The following SPAG16 variants were observed in gnomAD, a reference collection of about 807,000 sequenced individuals.
SPAG16 encodes sperm associated antigen 16.
SPAG16 carries 86 observed loss-of-function variants against 80.4 expected under a neutral mutation model. The observed-to-expected ratio is 1.07, with a 90% CI of 0.90 to 1.28. The LOEUF (loss-of-function observed/expected upper bound fraction) is 1.28. Among genes scored for constraint, SPAG16 ranks in the 50% most tolerant of loss-of-function variants. The pLI is 0.00. For missense variants in SPAG16, 870 were observed against 765.3 expected (o/e 1.14, Z -1.61); for synonymous variants, 294 against 265.9 (o/e 1.11, Z -1.03).
chr2:213,950,698 CTTTCTTTTT>C (rs1408328847), intron 12 of SPAG16, among the ~76,000 whole-genome samples: 1 of 52,408 alleles, frequency 1.9e-5, no homozygotes. Context: ...TTTCTTTTTT[CTTTCTTTTT>C]TTTTTTTTTT....
intron 10 of SPAG16, among the ~76,000 whole-genome samples, chr2:213,791,196 G>A (rs2070678877): frequency 6.6e-6 from 1 of 151,754 alleles, no homozygotes; most frequent in African/African-American, 2.4e-5. Context: ...TTACAGTCAA[G>A]GCTTCTTTAC....
At chr2:214,151,021 C>A (rs144927561) in intron 15 of SPAG16, among the ~76,000 whole-genome samples, 1 of 151,930 alleles carries the variant, frequency 6.6e-6, no homozygotes, top group Non-Finnish European at 1.5e-5. Flanking sequence ...CACGTATGAA[C>A]GAGGGACTCT....
At chr2:214,377,747 A>T (rs576595003) in intron 15 of SPAG16, among the ~76,000 whole-genome samples, 43 of 152,306 alleles carry the variant, frequency 2.8e-4, no homozygotes, top group African/African-American at 1.0e-3. Context: ...CATACTTGAT[A>T]TTAGCAGTGC....
In SPAG16 at chr2:213,904,197, G is replaced by A. The variant is rs137880991; in HGVS notation, c.1215-25763G>A. 7.3e-3 allele frequency among the ~76,000 whole-genome samples: 1,114 copies of A among 152,174 alleles called. 18 individuals carry two copies. Among genetic ancestry groups the A allele is most frequent in the African/African-American group, 0.025 (1,053 of 41,512 alleles). ...CATTTTTGGTTACCTTGTCAGCAAC[G>A]TCCCACTCTACTGATACCAATTTAC... On this transcript the variant is annotated intron_variant, in intron 11 of 15. Coordinates refer to ENST00000331683, the MANE Select transcript of SPAG16 (RefSeq NM_024532.5).
intron 15 of SPAG16, among the ~76,000 whole-genome samples, chr2:214,158,655 T>C (rs907254852): frequency 6.6e-6 from 1 of 152,060 alleles, no homozygotes; most frequent in African/African-American, 2.4e-5. Context: ...CATTGGTTAA[T>C]TCCTTAATTT....
intron 15 of SPAG16, among the ~76,000 whole-genome samples, chr2:214,254,555 G>A (rs893064640): frequency 1.4e-4 from 22 of 152,074 alleles, no homozygotes; most frequent in African/African-American, 5.1e-4. Flanking sequence ...TAGTCAGTCA[G>A]TAGTGTTTGA....
At chr2:213,400,237 A>G (rs1403827982) in intron 9 of SPAG16, among the ~76,000 whole-genome samples, 2 of 152,176 alleles carry the variant, frequency 1.3e-5, no homozygotes, top group African/African-American at 2.4e-5. Context: ...AAGTTGATAC[A>G]TAACTCATTA....
At chr2:214,250,011 A>G (rs1690134394) in intron 15 of SPAG16, 1 of 152,292 alleles carries the variant, frequency 6.6e-6, no homozygotes, top group South Asian at 2.1e-4. Flanking sequence ...GCTGATGTTC[A>G]CTTTGCAACT....
rs149422971 is a variant in SPAG16, at chr2:213,541,820, G to T, written c.1070+51730G>T. 2.9e-3 allele frequency among the ~76,000 whole-genome samples: 446 copies of T among 151,886 alleles called. 5 individuals carry two copies. The highest frequency in any genetic ancestry group is 6.3e-3 in the Admixed American group (96 of 15,274). ...TAACGTCTTCCCTTGTCTATAGAAA[G>T]AAATGTTTTTGACAGTTGAGAAATT... On this transcript the variant is annotated intron_variant, in intron 10 of 15. Coordinates refer to ENST00000331683, the MANE Select transcript of SPAG16 (RefSeq NM_024532.5).
At chr2:213,637,305 A>G (rs1419325634) in intron 10 of SPAG16, among the ~76,000 whole-genome samples, 1 of 152,074 alleles carries the variant, frequency 6.6e-6, no homozygotes, top group Non-Finnish European at 1.5e-5. Flanking sequence ...TAAGAAACCC[A>G]CTTGATCTTT....
intron 15 of SPAG16, among the ~76,000 whole-genome samples, chr2:214,309,443 A>G (rs979820630): frequency 5.9e-5 from 9 of 152,268 alleles, no homozygotes; most frequent in East Asian, 3.9e-4. Context: ...AGGTGATGCA[A>G]TCATTTGGAG....
intron 13 of SPAG16, among the ~76,000 whole-genome samples, chr2:214,103,526 GTGTT>G (rs2053198836): frequency 6.6e-6 from 1 of 152,196 alleles, no homozygotes. Flanking sequence ...GAAAAAGGTT[GTGTT>G]TGAGTTGAAA....
intron 10 of SPAG16, among the ~76,000 whole-genome samples, chr2:213,656,051 A>C (rs1036119769): frequency 2.6e-5 from 4 of 152,242 alleles, no homozygotes; most frequent in African/African-American, 9.6e-5. Flanking sequence ...GGTAGTCTTC[A>C]TTCAAGATAA....
At chr2:214,233,922 C>T (rs1372207372) in intron 15 of SPAG16, among the ~76,000 whole-genome samples, 1 of 151,982 alleles carries the variant, frequency 6.6e-6, no homozygotes, top group African/African-American at 2.4e-5. Context: ...ACATGCGCAG[C>T]ATGTACAGGT....
chr2:214,083,306 G>T (rs1319360776), intron 13 of SPAG16, among the ~76,000 whole-genome samples: 1 of 152,124 alleles, frequency 6.6e-6, no homozygotes, highest in Non-Finnish European at 1.5e-5. Context: ...GTAAGCTAAG[G>T]GAAAGAACCT....
chr2:213,995,702 C>T (rs1490488382), intron 12 of SPAG16, among the ~76,000 whole-genome samples: 1 of 152,086 alleles, frequency 6.6e-6, no homozygotes, highest in Non-Finnish European at 1.5e-5. Context: ...GTCATCTGCC[C>T]ACTGCTGAAA....
chr2:214,200,855 C>T (rs566891776), intron 15 of SPAG16, among the ~76,000 whole-genome samples: 45 of 152,256 alleles, frequency 3.0e-4, no homozygotes, highest in Admixed American at 5.2e-4. Flanking sequence ...CCTTTTTCCC[C>T]AGCCCATTAG....
chr2:213,750,649 C>A (rs1212542572), intron 10 of SPAG16, among the ~76,000 whole-genome samples: 2 of 152,134 alleles, frequency 1.3e-5, no homozygotes, highest in African/African-American at 2.4e-5. Context: ...CTCTATTCAA[C>A]CTTTTGTGCT....
chr2:214,372,057 A>G (rs1699857084), intron 15 of SPAG16, among the ~76,000 whole-genome samples: 1 of 152,008 alleles, frequency 6.6e-6, no homozygotes, highest in Non-Finnish European at 1.5e-5. Context: ...TCTCTTTGGG[A>G]ATATTTCAGT....
Sources: gnomAD v4.1 joint callset for allele counts (sites outside exome capture counted in the v4.1 genomes callset) on GRCh38, gnomAD v4.1.1 for gene constraint, MANE v1.5 for transcripts, NCBI Gene and HGNC (gene_info 2026-07-23, HGNC 2026-07-21) for gene names.